RAB3B: variants seen among roughly 807,000 people sequenced by gnomAD.
The protein encoded by RAB3B is ras-related protein Rab-3B.
In RAB3B, 11 loss-of-function variants were observed where a neutral mutation model predicts 20.5. The ratio of observed to expected loss-of-function variants is 0.54; its 90% CI spans 0.34 to 0.89. The LOEUF is 0.89. Among genes scored for constraint, RAB3B ranks in the 40% least tolerant of loss-of-function variants. The probability of loss-of-function intolerance (pLI) is 0.02; values close to 1 mark genes in which losing one functional copy is unlikely to be tolerated. For missense variants in RAB3B, 225 were observed against 280.9 expected (o/e 0.80, Z 1.42); for synonymous variants, 99 against 106.3 (o/e 0.93, Z 0.42).
chr1:51,930,920 G>A (rs1684314353), intron 4 of RAB3B, among the ~76,000 whole-genome samples: 1 of 152,024 alleles, frequency 6.6e-6, no homozygotes. Context: ...AGGAAGCTGA[G>A]GCAGGAGAAT....
At chr1:51,977,702 TGAGGTGG>T (rs1346947335) in intron 1 of RAB3B, among the ~76,000 whole-genome samples, 2 of 152,166 alleles carry the variant, frequency 1.3e-5, no homozygotes, top group African/African-American at 4.8e-5. Context: ...CTCAGGAGGC[TGAGGTGG>T]GAGGATCACT....
rs1047644383 is a variant in RAB3B at position 51,911,134 on chromosome 1, T to A, written c.*8793A>T. 2 of 152,168 alleles carry A rather than the reference T, an allele frequency of 1.3e-5. No individual in the cohort carries two copies. The highest frequency in any genetic ancestry group is 4.8e-5 in the African/African-American group (2 of 41,432). 9.4% of individuals were successfully genotyped at this position (152,168 alleles called of 1,614,324 possible). A position where few individuals can be genotyped will look rare whatever the true frequency, so the allele number is the denominator to read the frequency against. On this transcript the variant is annotated 3_prime_UTR_variant, in exon 5 of 5. Transcript: ENST00000371655. ...AAGGAGTGGCAGTGGAGTTAGCTGTTTTGTCTACCTGCTGGATACCTGGGA... is the reference window on the plus strand; with the variant it reads ...AAGGAGTGGCAGTGGAGTTAGCTGTATTGTCTACCTGCTGGATACCTGGGA...
intron 1 of RAB3B, among the ~76,000 whole-genome samples, chr1:51,977,951 C>T (rs1433975876): frequency 1.3e-5 from 2 of 152,218 alleles, no homozygotes; most frequent in African/African-American, 4.8e-5. Flanking sequence ...TCTTCACCAA[C>T]CTGTGCTTCC....
intron 2 of RAB3B, among the ~76,000 whole-genome samples, chr1:51,972,026 C>A (rs1346969294): frequency 2.0e-5 from 3 of 152,030 alleles, no homozygotes; most frequent in Non-Finnish European, 4.4e-5. Flanking sequence ...ACTAAAAATA[C>A]AAAAATTAGC....
chr1:51,954,530 T>C (rs936730667), intron 2 of RAB3B, among the ~76,000 whole-genome samples: 1 of 152,192 alleles, frequency 6.6e-6, no homozygotes, highest in African/African-American at 2.4e-5. Context: ...CTTATTATTA[T>C]TACCAGTCCA....
intron 2 of RAB3B, among the ~76,000 whole-genome samples, chr1:51,941,491 G>C (rs1274858014): frequency 6.6e-6 from 1 of 152,286 alleles, no homozygotes; most frequent in African/African-American, 2.4e-5. Context: ...AGCTAGAGTG[G>C]TAACAACAGG....
chr1:51,962,190 A>G, intron 2 of RAB3B, among the ~76,000 whole-genome samples: 1 of 152,190 alleles, frequency 6.6e-6, no homozygotes, highest in East Asian at 1.9e-4. Flanking sequence ...TGGGGATAAT[A>G]ACAGCACCTA....
intron 3 of RAB3B, 104 bp from the exon 4 acceptor site, chr1:51,933,546 G>A: frequency 9.2e-7 from 1 of 1,081,240 alleles, no homozygotes; most frequent in Non-Finnish European, 1.3e-6. Context: ...CCAATGTAAT[G>A]GTATTTGGAG....
chr1:51,955,732 G>A (rs1684699496), intron 2 of RAB3B, among the ~76,000 whole-genome samples: 1 of 152,068 alleles, frequency 6.6e-6, no homozygotes, highest in Non-Finnish European at 1.5e-5. Flanking sequence ...ATTTCCAAAT[G>A]GAGACACAAG....
intron 2 of RAB3B, among the ~76,000 whole-genome samples, chr1:51,968,998 T>C (rs1031332023): frequency 3.3e-5 from 5 of 152,222 alleles, no homozygotes; most frequent in African/African-American, 9.6e-5. Flanking sequence ...TCTTTAATTA[T>C]AGTAAGAGCT....
rs148192422 is a variant in RAB3B at position 51,976,980 on chromosome 1, C to T, written c.138G>A (p.Thr46=). 691 of 1,614,152 alleles carry T rather than the reference C, an allele frequency of 4.3e-4. 8 individuals are homozygous for T. In the South Asian group the frequency reaches 6.3e-3, roughly 15 times the overall value. ...TSFLFRYADD[T]FTPAFVSTVG... is the part of the protein sequence containing the mutation. The stretch of plus-strand genomic sequence containing the variant: ...CGGTGCTAACGAAGGCTGGGGTGAA[C>T]GTGTCATCAGCATAGCGGAAGAGGA... Residue 46 remains threonine (T), a synonymous_variant, in exon 2 of 5, where the codon ACG becomes ACA. Transcript: ENST00000371655.
chr1:51,930,074 C>T (rs371601364), intron 4 of RAB3B, among the ~76,000 whole-genome samples: 106 of 152,220 alleles, frequency 7.0e-4, no homozygotes, highest in Middle Eastern at 6.8e-3. Flanking sequence ...CTCAGGGAGT[C>T]GAGTTAGGCA....
rs1009564562 is a variant in RAB3B, at chr1:51,917,448, T to C, written c.*2479A>G. 1 of 152,152 alleles carries C rather than the reference T, an allele frequency of 6.6e-6. No homozygotes were observed. The highest frequency in any genetic ancestry group is 2.4e-5 in the African/African-American group (1 of 41,420). The allele number at this position is 152,152 out of a possible 1,614,324, so 9.4% of individuals were successfully genotyped here. ...TGGCCCAGAGTCACAGTTGATTTAA[T>C]GACAGAGTCCGGGTCTCCTGATTCC... On this transcript the variant is annotated 3_prime_UTR_variant, in exon 5 of 5. Coordinates refer to ENST00000371655, the MANE Select transcript of RAB3B (RefSeq NM_002867.4).
At chr1:51,953,470 GGTGATAAAA>G (rs1684666874) in intron 2 of RAB3B, among the ~76,000 whole-genome samples, 2 of 152,178 alleles carry the variant, frequency 1.3e-5, no homozygotes, top group Non-Finnish European at 2.9e-5. Flanking sequence ...AGAAATTGCA[GGTGATAAAA>G]GTAAGACTCT....
Position 51,908,260 on chromosome 1 carries a change from G to A in RAB3B, c.*11667C>T, listed in dbSNP as rs1032606877. 3.3e-5 allele frequency: 5 copies of A among 152,038 alleles called. No homozygotes were observed. Among genetic ancestry groups the A allele is most frequent in the Admixed American group, 3.3e-4 (5 of 15,236 alleles). The allele number at this position is 152,038 out of a possible 1,614,324, so 9.4% of individuals were successfully genotyped here. ...CTGCTTAGTTAGAATCTGATGAGGA[G>A]AGACGTGAGAGCTATTGTTCCTCTC... On this transcript the variant is annotated 3_prime_UTR_variant, in exon 5 of 5. Coordinates refer to ENST00000371655, the MANE Select transcript of RAB3B (RefSeq NM_002867.4).
chr1:51,932,649 G>A (rs1188731001), intron 4 of RAB3B, among the ~76,000 whole-genome samples: 2 of 152,208 alleles, frequency 1.3e-5, no homozygotes, highest in Admixed American at 6.5e-5. Flanking sequence ...TTTGCATTGA[G>A]ATAAACTGTA....
intron 2 of RAB3B, among the ~76,000 whole-genome samples, chr1:51,958,663 C>T (rs574999042): frequency 4.6e-5 from 7 of 150,924 alleles, no homozygotes; most frequent in East Asian, 3.9e-4. Context: ...GCGGAGGTTG[C>T]GGTGAGCCGA....
At chr1:51,978,761 G>A (rs1200440247) in intron 1 of RAB3B, among the ~76,000 whole-genome samples, 3 of 152,136 alleles carry the variant, frequency 2.0e-5, no homozygotes, top group East Asian at 1.9e-4. Context: ...ATGGTGTCTG[G>A]GTTTTCATTC....
chr1:51,967,184 A>G (rs1000479168), intron 2 of RAB3B, among the ~76,000 whole-genome samples: 3 of 152,110 alleles, frequency 2.0e-5, no homozygotes, highest in Non-Finnish European at 4.4e-5. Flanking sequence ...ATGGTGGTAC[A>G]TGCCTGTAAT....
Sources: allele counts gnomAD v4.1 joint callset (sites outside exome capture counted in the v4.1 genomes callset), GRCh38; gene constraint gnomAD v4.1.1; transcripts MANE v1.5; gene names NCBI Gene and HGNC (gene_info 2026-07-23, HGNC 2026-07-21).